CYB5R4: variants seen among roughly 807,000 people sequenced by gnomAD.
CYB5R4 encodes N-terminal cytochrome b5 and cytochrome b5 oxidoreductase domain-containing protein.
A neutral mutation model predicts 70.2 loss-of-function variants in CYB5R4; 55 were observed. The ratio of observed to expected loss-of-function variants is 0.78; its 90% confidence interval spans 0.63 to 0.98. The LOEUF (loss-of-function observed/expected upper bound fraction) is 0.98, where lower values mean the gene tolerates loss of function less well. Among genes scored for constraint, CYB5R4 ranks in the 50% least tolerant of loss-of-function variants. The probability of loss-of-function intolerance (pLI) is 0.00; values close to 1 mark genes in which losing one functional copy is unlikely to be tolerated. For synonymous variants in CYB5R4, 197 were observed against 199.5 expected, an observed-to-expected ratio of 0.99 and a Z score of 0.11; for missense variants, 562 against 612.6, an observed-to-expected ratio of 0.92 and a Z score of 0.87.
At chr6:83,958,406 G>A (rs578032695) in intron 15 of CYB5R4, among the ~76,000 whole-genome samples, 18 of 152,236 alleles carry the variant, frequency 1.2e-4, no homozygotes, top group South Asian at 6.2e-4. Flanking sequence ...TTTACCTAGC[G>A]ATGTGTGTGT....
intron 10 of CYB5R4, among the ~76,000 whole-genome samples, chr6:83,931,826 G>T (rs531944961): frequency 6.7e-6 from 1 of 150,112 alleles, no homozygotes; most frequent in African/African-American, 2.4e-5. Context: ...TATACTTTAA[G>T]TTCTAGGGTA....
Position 83,963,179 on chromosome 6 carries a change from C to T in CYB5R4, c.*3301C>T, listed in dbSNP as rs939588497. ...ATCTTTGATGGGCACATTGTGTCTA[C>T]CACAGGCTATAGAAAGAACAGAGAA... On this transcript the variant is annotated 3_prime_UTR_variant, in exon 16 of 16. Coordinates refer to ENST00000369681, the MANE Select transcript of CYB5R4 (RefSeq NM_016230.4). 6.6e-6 allele frequency: 1 copy of T among 152,124 alleles called. No homozygotes were observed. The highest frequency in any genetic ancestry group is 1.5e-5 in the Non-Finnish European group (1 of 68,042). The allele number at this position is 152,124 out of a possible 1,614,324, so 9.4% of individuals were successfully genotyped here. A position where few individuals can be genotyped will look rare whatever the true frequency, so the allele number is the denominator to read the frequency against.
chr6:83,916,188 A>C (rs2099465487), intron 5 of CYB5R4, among the ~76,000 whole-genome samples: 1 of 152,122 alleles, frequency 6.6e-6, no homozygotes, highest in Admixed American at 6.6e-5. Flanking sequence ...TGCAGGGACC[A>C]TTTCATTGCT....
rs777889572 is a variant in CYB5R4, at chr6:83,959,850, A to G, written c.1538A>G (p.Lys513Arg). ...TTGCTGCATGATCTCAACTTTTCCA[A>G]AAATGAGATCCATAGTTTTACAGCA... ...VRLLHDLNFS[K>R]NEIHSFTA The change falls in exon 16 of 16, where the codon AAA (lysine) becomes AGA (arginine). Residue 513 changes from lysine (K) to arginine (R), a missense_variant. Physicochemically the swap from Lys to Arg is conservative, Grantham distance 26. Transcript: ENST00000369681. 2.5e-6 allele frequency: 4 copies of G among 1,601,498 alleles called. No individual in the cohort carries two copies. Among genetic ancestry groups the G allele is most frequent in the Non-Finnish European group, 2.6e-6 (3 of 1,174,806 alleles).
intron 2 of CYB5R4, among the ~76,000 whole-genome samples, chr6:83,882,763 G>A (rs569096292): frequency 6.6e-6 from 1 of 152,246 alleles, no homozygotes; most frequent in South Asian, 2.1e-4. Flanking sequence ...CGAGGTGGGT[G>A]GATCACGAGA....
At chr6:83,867,288 G>C (rs575191618) in intron 2 of CYB5R4, among the ~76,000 whole-genome samples, 1 of 152,290 alleles carries the variant, frequency 6.6e-6, no homozygotes, top group Non-Finnish European at 1.5e-5. Context: ...CTGAACAAAG[G>C]TACAAACACA....
At chr6:83,866,540 C>T (rs989949787) in intron 2 of CYB5R4, among the ~76,000 whole-genome samples, 2 of 152,038 alleles carry the variant, frequency 1.3e-5, no homozygotes, top group African/African-American at 2.4e-5. Context: ...TACACTGCTC[C>T]CGGTTCCATA....
intron 12 of CYB5R4, among the ~76,000 whole-genome samples, chr6:83,939,077 C>G (rs888438157): frequency 6.6e-6 from 1 of 152,026 alleles, no homozygotes; most frequent in Non-Finnish European, 1.5e-5. Flanking sequence ...CTCAGGTGAT[C>G]CACCTGCCTT....
intron 14 of CYB5R4, among the ~76,000 whole-genome samples, chr6:83,948,330 G>A (rs1030493123): frequency 6.6e-6 from 1 of 152,094 alleles, no homozygotes; most frequent in Non-Finnish European, 1.5e-5. Flanking sequence ...GAACATATGG[G>A]CACAGGAAGG....
chr6:83,950,708 T>C (rs1254617257), intron 14 of CYB5R4, among the ~76,000 whole-genome samples: 1 of 152,148 alleles, frequency 6.6e-6, no homozygotes, highest in Non-Finnish European at 1.5e-5. Flanking sequence ...CCCTTCTTTT[T>C]ATAAAATTAA....
At chr6:83,937,687 A>G (rs1396446256) in intron 12 of CYB5R4, among the ~76,000 whole-genome samples, 1 of 151,946 alleles carries the variant, frequency 6.6e-6, no homozygotes, top group Non-Finnish European at 1.5e-5. Flanking sequence ...GCTGGCTAAT[A>G]TTTGTATTTT....
At chr6:83,865,904 A>G (rs574689949) in intron 2 of CYB5R4, among the ~76,000 whole-genome samples, 12 of 152,326 alleles carry the variant, frequency 7.9e-5, no homozygotes, top group South Asian at 2.1e-4. Context: ...GGTACCAGCA[A>G]TCTGGAATGA....
intron 14 of CYB5R4, among the ~76,000 whole-genome samples, chr6:83,950,510 A>G (rs537796113): frequency 2.6e-5 from 4 of 152,252 alleles, no homozygotes; most frequent in African/African-American, 9.6e-5. Flanking sequence ...GCTTTTGTAG[A>G]ATGAGTTTTG....
intron 14 of CYB5R4, among the ~76,000 whole-genome samples, chr6:83,951,627 T>C (rs1371513708): frequency 1.3e-5 from 2 of 152,256 alleles, no homozygotes; most frequent in Non-Finnish European, 2.9e-5. Flanking sequence ...TCCTTTTTTA[T>C]GGCTGCATAG....
intron 3 of CYB5R4, among the ~76,000 whole-genome samples, chr6:83,899,708 C>T (rs560920053): frequency 4.2e-4 from 64 of 152,176 alleles, no homozygotes; most frequent in African/African-American, 1.2e-3. Flanking sequence ...GTGTATGTGT[C>T]GAGGAATTTA....
chr6:83,871,197 C>G (rs1356853152), intron 2 of CYB5R4, among the ~76,000 whole-genome samples: 1 of 151,978 alleles, frequency 6.6e-6, no homozygotes, highest in African/African-American at 2.4e-5. Context: ...CCAGGCTGGT[C>G]TGGAACTCCT....
intron 2 of CYB5R4, among the ~76,000 whole-genome samples, chr6:83,884,088 TC>T (rs2099459887): frequency 6.6e-6 from 1 of 151,278 alleles, no homozygotes; most frequent in African/African-American, 2.4e-5. Flanking sequence ...ATTAGTAAAA[TC>T]TCCCATATTA....
intron 2 of CYB5R4, among the ~76,000 whole-genome samples, chr6:83,877,899 C>T (rs1469688817): frequency 6.6e-6 from 1 of 152,128 alleles, no homozygotes; most frequent in Non-Finnish European, 1.5e-5. Flanking sequence ...AAATTTTCAG[C>T]CATTATCTCT....
chr6:83,935,658 A>G (rs2099468805), intron 11 of CYB5R4, among the ~76,000 whole-genome samples: 1 of 152,190 alleles, frequency 6.6e-6, no homozygotes, highest in Admixed American at 6.5e-5. Flanking sequence ...AGAAAATAAT[A>G]TATTCTTAGA....
Sources: allele counts gnomAD v4.1 joint callset (sites outside exome capture counted in the v4.1 genomes callset), GRCh38; gene constraint gnomAD v4.1.1; transcripts MANE v1.5; gene names NCBI Gene and HGNC (gene_info 2026-07-23, HGNC 2026-07-21).